TDRD7: variants seen among roughly 807,000 people sequenced by gnomAD.
The protein encoded by TDRD7 is tudor domain-containing protein 7.
A neutral mutation model predicts 109.8 loss-of-function variants in TDRD7; 47 were observed. That is an observed-to-expected ratio of 0.43 (90% CI 0.34 to 0.55). The LOEUF (loss-of-function observed/expected upper bound fraction) is 0.55. Among genes scored for constraint, TDRD7 ranks in the 20% least tolerant of loss-of-function variants. TDRD7 has a pLI of 0.03. For missense variants in TDRD7, 1,164 were observed against 1,319.2 expected, an observed-to-expected ratio of 0.88 and a Z score of 1.82; for synonymous variants, 424 against 457.3, an observed-to-expected ratio of 0.93 and a Z score of 0.93.
chr9:97,448,598 A>G (rs1391724294), intron 6 of TDRD7, among the ~76,000 whole-genome samples: 2 of 152,154 alleles, frequency 1.3e-5, no homozygotes, highest in Non-Finnish European at 2.9e-5. Context: ...ACTGAAGTCA[A>G]GTTTTAAAAT....
At chr9:97,487,958 G>A (rs566175632) in intron 16 of TDRD7, among the ~76,000 whole-genome samples, 4 of 152,258 alleles carry the variant, frequency 2.6e-5, no homozygotes, top group South Asian at 2.1e-4. Flanking sequence ...TGAGTTTCCA[G>A]TTTGCAGCAC....
rs1193906603 is a variant in TDRD7 at position 97,483,166 on chromosome 9, A to G, written c.2730A>G (p.Pro910=). 8 of 1,614,062 alleles carry G rather than the reference A, an allele frequency of 5.0e-6. No individual in the cohort carries two copies. Among genetic ancestry groups the G allele is most frequent in the Non-Finnish European group, 6.8e-6 (8 of 1,180,034 alleles). ...ELPPPVHLSK[P]GEHMDVYVPV... The stretch of plus-strand genomic sequence containing the variant: ...CACCTCCTGTCCACTTATCAAAGCC[A>G]GGGGAACACATGGATGTGTATGTGC... The change falls in exon 15 of 17, where the codon CCA becomes CCG. Residue 910 remains proline, a synonymous_variant. Coordinates refer to ENST00000355295, the MANE Select transcript of TDRD7 (RefSeq NM_014290.3).
At chr9:97,465,360 C>T (rs1828805971) in intron 8 of TDRD7, among the ~76,000 whole-genome samples, 1 of 152,174 alleles carries the variant, frequency 6.6e-6, no homozygotes, top group South Asian at 2.1e-4. Context: ...CTTATCAAGG[C>T]CAGTACTTCG....
At chr9:97,478,262 A>AAATAAT (rs372745991) in intron 12 of TDRD7, among the ~76,000 whole-genome samples, 177 bp from the exon 13 acceptor site, 1 of 151,946 alleles carries the variant, frequency 6.6e-6, no homozygotes, top group Non-Finnish European at 1.5e-5. Context: ...CTCTGTCTCA[A>AAATAAT]AATAATAATA....
chr9:97,487,517 A>G lies in TDRD7; in HGVS notation c.3076+185A>G, dbSNP rs182944873. ...TAATGATGTCTTACAGTCGTGCTCT[A>G]TCATTATATCTGCTGTTTCTCTTTT... On this transcript the variant is annotated intron_variant, in intron 16 of 16. Coordinates refer to ENST00000355295, the MANE Select transcript of TDRD7 (RefSeq NM_014290.3). Among the ~76,000 whole-genome samples the G allele has an allele frequency of 6.7e-4, 102 of 152,268 alleles. 1 individual carries two copies. The highest frequency in any genetic ancestry group is 2.2e-3 in the African/African-American group (93 of 41,540).
intron 8 of TDRD7, among the ~76,000 whole-genome samples, chr9:97,468,866 A>AGG (rs1234061182): frequency 1.3e-5 from 2 of 152,196 alleles, no homozygotes; most frequent in African/African-American, 4.8e-5. Context: ...CATTAGAGAG[A>AGG]GAGAGACTAC....
chr9:97,427,862 A>G (rs1041359544), intron 1 of TDRD7, among the ~76,000 whole-genome samples: 4 of 152,124 alleles, frequency 2.6e-5, no homozygotes, highest in Non-Finnish European at 4.4e-5. Flanking sequence ...TCCATTGCTG[A>G]GTAGTGATCT....
chr9:97,464,323 GTGT>G (rs1195518776), intron 7 of TDRD7, among the ~76,000 whole-genome samples: 4 of 152,184 alleles, frequency 2.6e-5, no homozygotes, highest in Non-Finnish European at 4.4e-5. Context: ...AATGTTTGCT[GTGT>G]TGTTTGGTGT....
intron 15 of TDRD7, among the ~76,000 whole-genome samples, chr9:97,483,645 A>G (rs1379517711): frequency 6.6e-6 from 1 of 151,936 alleles, no homozygotes; most frequent in Non-Finnish European, 1.5e-5. Flanking sequence ...AGATTTTTTC[A>G]TTTAATGACT....
At chr9:97,448,081 A>C (rs1828431743) in intron 6 of TDRD7, among the ~76,000 whole-genome samples, 2 of 152,228 alleles carry the variant, frequency 1.3e-5, no homozygotes, top group East Asian at 1.9e-4. Flanking sequence ...GTTTGTCAAC[A>C]GTCAAGGATT....
intron 5 of TDRD7, among the ~76,000 whole-genome samples, chr9:97,439,845 A>G (rs1828268855): frequency 6.6e-6 from 1 of 152,212 alleles, no homozygotes. Context: ...ACAATAGGAG[A>G]CATAGTATAA....
chr9:97,449,006 A>G (rs1828445580), intron 6 of TDRD7, among the ~76,000 whole-genome samples: 1 of 152,248 alleles, frequency 6.6e-6, no homozygotes, highest in Non-Finnish European at 1.5e-5. Flanking sequence ...TTAAGTTTAC[A>G]GCACAGGTAA....
At chr9:97,457,624 C>T (rs980057958) in intron 6 of TDRD7, among the ~76,000 whole-genome samples, 7 of 152,084 alleles carry the variant, frequency 4.6e-5, no homozygotes, top group Non-Finnish European at 5.9e-5. Flanking sequence ...ATGATCTGCC[C>T]GCCTTGGCCT....
At chr9:97,484,990 G>A (rs1322300586) in intron 15 of TDRD7, among the ~76,000 whole-genome samples, 1 of 152,162 alleles carries the variant, frequency 6.6e-6, no homozygotes. Flanking sequence ...TTGGACTTTA[G>A]TTAATTTGTC....
intron 3 of TDRD7, 28 bp downstream of exon 3, chr9:97,431,102 T>A (rs1373549045): frequency 6.2e-7 from 1 of 1,613,540 alleles, no homozygotes; most frequent in East Asian, 2.2e-5. Context: ...GCTAAAATTT[T>A]TAGGGCTGTC....
chr9:97,426,391 A>G (rs950305233), intron 1 of TDRD7, among the ~76,000 whole-genome samples: 1 of 151,996 alleles, frequency 6.6e-6, no homozygotes, highest in Non-Finnish European at 1.5e-5. Flanking sequence ...AGCTGGGACT[A>G]TAGACATATG....
intron 11 of TDRD7, among the ~76,000 whole-genome samples, chr9:97,474,760 G>A (rs942667109): frequency 8.6e-5 from 13 of 152,042 alleles, no homozygotes; most frequent in African/African-American, 1.2e-4. Flanking sequence ...TACTGCACTC[G>A]TAACCTAAGT....
intron 6 of TDRD7, among the ~76,000 whole-genome samples, chr9:97,449,890 C>G (rs1178499940): frequency 6.6e-6 from 1 of 152,142 alleles, no homozygotes; most frequent in Non-Finnish European, 1.5e-5. Flanking sequence ...GGAAGGAAGA[C>G]CAAATATATA....
intron 1 of TDRD7, among the ~76,000 whole-genome samples, chr9:97,419,403 T>C (rs1366932997): frequency 6.6e-6 from 1 of 152,232 alleles, no homozygotes; most frequent in African/African-American, 2.4e-5. Flanking sequence ...TGGAAATAAC[T>C]GTATAGTAGT....
Sources: gnomAD v4.1 joint callset for allele counts (sites outside exome capture counted in the v4.1 genomes callset) on GRCh38, gnomAD v4.1.1 for gene constraint, MANE v1.5 for transcripts, NCBI Gene and HGNC (gene_info 2026-07-23, HGNC 2026-07-21) for gene names.